The following SLC30A3 variants were observed in gnomAD, a reference collection of about 807,000 sequenced individuals.
SLC30A3 encodes solute carrier family 30 member 3.
In SLC30A3, 20 loss-of-function variants were observed where a neutral mutation model predicts 35.6. That is an observed-to-expected ratio of 0.56 (90% confidence interval 0.39 to 0.82). SLC30A3 has a LOEUF of 0.82. SLC30A3 is among the 40% of genes least tolerant of loss of function. The pLI is 0.00. For synonymous variants in SLC30A3, 217 were observed against 224.7 expected, an observed-to-expected ratio of 0.97 and a Z score of 0.31; for missense variants, 401 against 530.6, an observed-to-expected ratio of 0.76 and a Z score of 2.40.
At position 27,257,978 on chromosome 2, in the gene SLC30A3, G is replaced by T. The variant is rs1443233307; in HGVS notation, c.505C>A (p.Leu169Met). The change falls in exon 4 of 8, where the codon CTG (leucine) becomes ATG (methionine). Residue 169 changes from leucine to methionine, a missense_variant. Transcript: ENST00000233535. The surrounding 1 kb of genome is among the most constrained non-coding windows in gnomAD (Gnocchi z 4.7). ...ILLYLAFVRL[L>M]HSDYHIEGGA... Reference sequence around the variant, plus strand: ...CCCTCGATGTGGTAGTCGCTGTGCAGCAGGCGGACGAAGGCCAGGTACAGG... The same window carrying T: ...CCCTCGATGTGGTAGTCGCTGTGCATCAGGCGGACGAAGGCCAGGTACAGG... The T allele has an allele frequency of 6.2e-7, 1 of 1,614,172 alleles. No individual in the cohort carries two copies. The highest frequency in any genetic ancestry group is 1.1e-5 in the South Asian group (1 of 91,080).
At chr2:27,266,045 T>G (rs1677482882), upstream of SLC30A3, among the ~76,000 whole-genome samples, 1 of 151,458 alleles carries the variant, frequency 6.6e-6, no homozygotes, top group Non-Finnish European at 1.5e-5. Context: ...CGCACAATAC[T>G]TTTTCTGTTT....
At chr2:27,272,575 C>T (rs1189049443) in intron 1 of SLC30A3, among the ~76,000 whole-genome samples, 2 of 150,876 alleles carry the variant, frequency 1.3e-5, no homozygotes, top group African/African-American at 2.4e-5. Context: ...CTCACTGCAA[C>T]CTCCGCCACA....
rs113025899 is a variant in SLC30A3 at position 27,257,238 on chromosome 2, G to A, written c.693C>T (p.Ser231=). 9.9e-6 allele frequency: 16 copies of A among 1,614,090 alleles called. No individual in the cohort carries two copies. Among genetic ancestry groups the A allele is most frequent in the African/African-American group, 5.3e-5 (4 of 75,022 alleles). Residue 231 remains serine, a synonymous_variant, in exon 5 of 8, where the codon AGC becomes AGT. Transcript: ENST00000233535. The surrounding 1 kb of genome is among the most constrained non-coding windows in gnomAD (Gnocchi z 4.7). ...GCACGTGCACAAATGCCGCCCGGAC[G>A]CTGGTGTTCCCCAGGGGCAGGGGCT... ...PEEPLPLGNT[S]VRAAFVHVLG...
At chr2:27,270,636 G>A (rs546334603) in intron 1 of SLC30A3, among the ~76,000 whole-genome samples, 1 of 152,248 alleles carries the variant, frequency 6.6e-6, no homozygotes, top group Non-Finnish European at 1.5e-5. Context: ...ATAACAACCC[G>A]AAGAGACAGA....
Position 27,256,527 on chromosome 2 carries a change from C to A in SLC30A3, c.884-7G>T. Reference sequence around the variant, plus strand: ...CCCACATTGCGGGGGGTACCTGCAACCAGCACCAGTCATGCCTTACTGCTA... The same window carrying A: ...CCCACATTGCGGGGGGTACCTGCAAACAGCACCAGTCATGCCTTACTGCTA... On this transcript the variant is annotated splice_polypyrimidine_tract_variant and splice_region_variant and intron_variant, in intron 6 of 7. Coordinates refer to ENST00000233535, the MANE Select transcript of SLC30A3 (RefSeq NM_003459.5). 1 of 1,613,958 alleles carries A rather than the reference C, an allele frequency of 6.2e-7. No individual in the cohort carries two copies. The highest frequency in any genetic ancestry group is 8.5e-7 in the Non-Finnish European group (1 of 1,179,976).
At chr2:27,272,738 TA>T (rs1005046475) in intron 1 of SLC30A3, among the ~76,000 whole-genome samples, 2 of 151,480 alleles carry the variant, frequency 1.3e-5, no homozygotes, top group Admixed American at 6.6e-5. Flanking sequence ...CAGCAGCTTT[TA>T]AATCAATATG....
At chr2:27,259,591 G>A (rs1425365083) in intron 1 of SLC30A3, among the ~76,000 whole-genome samples, 5 of 152,022 alleles carry the variant, frequency 3.3e-5, no homozygotes, top group East Asian at 1.9e-4. Context: ...GGCCTCAAGC[G>A]ATCCTCCTAC....
rs1325752111 is a variant in SLC30A3, at chr2:27,258,920, G to T, written c.110C>A (p.Pro37His). The change falls in exon 2 of 8, where the codon CCC (proline) becomes CAC (histidine). Residue 37 changes from proline to histidine, a missense_variant. Transcript: ENST00000233535. The surrounding 1 kb of genome is among the most constrained non-coding windows in gnomAD (Gnocchi z 4.0). ...SLRLKSLFTE[P>H]SEPLPEESKP... The stretch of plus-strand genomic sequence containing the variant: ...GGACTCCTCAGGGAGGGGCTCTGAG[G>T]GCTCTGTGAAGAGACTGAGGCAAGC... The T allele has an allele frequency of 1.2e-6, 2 of 1,601,250 alleles. No individual in the cohort carries two copies. Among genetic ancestry groups the T allele is most frequent in the Admixed American group, 1.7e-5 (1 of 58,474 alleles).
chr2:27,257,334 G>C lies in SLC30A3; in HGVS notation c.597C>G (p.His199Gln). The change falls in exon 5 of 8, where the codon CAC (histidine) becomes CAG (glutamine). Residue 199 changes from histidine (H) to glutamine (Q), a missense_variant. His to Gln is a conservative substitution (Grantham distance 24). This residue lies in a region of SLC30A3 where 296 missense variants were observed against 392.6 expected (regional missense o/e 0.75). Coordinates refer to ENST00000233535, the MANE Select transcript of SLC30A3 (RefSeq NM_003459.5). This position sits in a 1 kb window ranked among gnomAD's most constrained non-coding sequence, Gnocchi z 4.7. ...CGTGGCTGTGGGGGGGCCCAGCCTG[G>C]TGCAGCACAAAGGCCATTCTGAGGG... is the stretch of plus-strand genomic sequence containing the variant. ...CANLLMAFVL[H>Q]QAGPPHSHGS... 6.2e-7 allele frequency: 1 copy of C among 1,612,676 alleles called. No individual in the cohort carries two copies. Among genetic ancestry groups the C allele is most frequent in the Non-Finnish European group, 8.5e-7 (1 of 1,179,466 alleles).
intron 1 of SLC30A3, chr2:27,259,190 TA>T: frequency 2.6e-6 from 1 of 387,074 alleles, no homozygotes; most frequent in Non-Finnish European, 4.6e-6. Flanking sequence ...CGGTCTAGTC[TA>T]ACTTTTTTAA....
At position 27,256,798 on chromosome 2, in the gene SLC30A3, G is replaced by C; in HGVS notation, c.873C>G (p.Ile291Met). 6.2e-7 allele frequency: 1 copy of C among 1,602,562 alleles called. No individual in the cohort carries two copies. The highest frequency in any genetic ancestry group is 1.1e-5 in the South Asian group (1 of 89,852). Residue 291 changes from isoleucine to methionine, a missense_variant, in exon 6 of 8, where the codon ATC (isoleucine) becomes ATG (methionine). Transcript: ENST00000233535. ...TGGTGCCCGACTCACCTTCCATGAGGATTCGAAGAACGTCTCGGAGGGTGG... is the reference window on the plus strand; with the variant it reads ...TGGTGCCCGACTCACCTTCCATGAGCATTCGAAGAACGTCTCGGAGGGTGG... The part of the protein sequence containing the change: ...TAPTLRDVLR[I>M]LMEGTPRNVG...
intron 1 of SLC30A3, among the ~76,000 whole-genome samples, chr2:27,259,810 G>A (rs1677084394): frequency 6.6e-6 from 1 of 152,122 alleles, no homozygotes; most frequent in South Asian, 2.1e-4. Context: ...ACTGATCTCT[G>A]AGAGCTTTTG....
Position 27,258,711 on chromosome 2 carries a change from G to A in SLC30A3, c.277+42C>T, listed in dbSNP as rs775816239. 6 of 1,604,086 alleles carry A rather than the reference G, an allele frequency of 3.7e-6. No individual in the cohort carries two copies. Among genetic ancestry groups the A allele is most frequent in the Admixed American group, 3.3e-5 (2 of 59,954 alleles). On this transcript the variant is annotated intron_variant, in intron 2 of 7. Transcript: ENST00000233535. This position sits in a 1 kb window ranked among gnomAD's most constrained non-coding sequence, Gnocchi z 4.0. ...CTCTGGGTGGAGAGTGGCTTGGGCA[G>A]GTATTTGGAGAATGGGGTTTAAGGG...
intron 1 of SLC30A3, among the ~76,000 whole-genome samples, chr2:27,268,669 C>G (rs969706578): frequency 9.9e-5 from 15 of 150,778 alleles, no homozygotes; most frequent in Non-Finnish European, 2.2e-4. Context: ...AGGAGAATGG[C>G]GTGAACTTGT....
Position 27,258,774 on chromosome 2 carries a change from A to G in SLC30A3, c.256T>C (p.Phe86Leu). The G allele has an allele frequency of 6.2e-7, 1 of 1,614,216 alleles. No individual in the cohort carries two copies. The highest frequency in any genetic ancestry group is 8.5e-7 in the Non-Finnish European group (1 of 1,180,028). Residue 86 changes from phenylalanine (F) to leucine (L), a missense_variant, in exon 2 of 8, where the codon TTC becomes CTC. Around this residue, in one of 3 missense-constraint regions of SLC30A3, gnomAD observed 103 missense variants for 120.7 expected, o/e 0.85. Transcript: ENST00000233535. This position sits in a 1 kb window ranked among gnomAD's most constrained non-coding sequence, Gnocchi z 4.0. ...LYAACAVCFV[F>L]MAGEVVGGYL... is the part of the protein sequence containing the mutation. Reference sequence around the variant, plus strand: ...TTACCGACCACCTCCCCAGCCATGAAGACAAAGCAAACGGCACAGGCAGCA... The same window carrying G: ...TTACCGACCACCTCCCCAGCCATGAGGACAAAGCAAACGGCACAGGCAGCA...
intron 1 of SLC30A3, among the ~76,000 whole-genome samples, chr2:27,270,029 G>C (rs1677666805): frequency 6.6e-6 from 1 of 152,172 alleles, no homozygotes; most frequent in Non-Finnish European, 1.5e-5. Flanking sequence ...TAAACAGAAA[G>C]AAGTGATTTA....
intron 1 of SLC30A3, among the ~76,000 whole-genome samples, chr2:27,270,369 G>A (rs1022261424): frequency 2.0e-5 from 3 of 152,056 alleles, no homozygotes; most frequent in East Asian, 1.9e-4. Context: ...GCAGCATGAC[G>A]GCACTGGGTA....
intron 1 of SLC30A3, chr2:27,275,047 G>T: frequency 2.2e-6 from 1 of 450,464 alleles, no homozygotes; most frequent in Non-Finnish European, 4.2e-6. Flanking sequence ...AGGGGCATAT[G>T]AGTTGGGTCT....
chr2:27,270,935 G>A (rs962226883), intron 1 of SLC30A3, among the ~76,000 whole-genome samples: 1 of 152,136 alleles, frequency 6.6e-6, no homozygotes, highest in Non-Finnish European at 1.5e-5. Context: ...ATCCCCCACA[G>A]CTTTGGTCTG....
Sources: gnomAD v4.1 joint callset for allele counts (sites outside exome capture counted in the v4.1 genomes callset) on GRCh38, gnomAD v4.1.1 for gene constraint, gnomAD v4.1.1 regional missense constraint, Gnocchi (gnomAD v3.1) non-coding constraint, MANE v1.5 for transcripts, NCBI Gene and HGNC (gene_info 2026-07-23, HGNC 2026-07-21) for gene names.